Variants in EEFSEC observed in about 807,000 individuals in gnomAD.
The protein encoded by EEFSEC is selenocysteine-specific elongation factor.
A neutral mutation model predicts 42.1 loss-of-function variants in EEFSEC; 43 were observed. The ratio of observed to expected loss-of-function variants is 1.02; its 90% CI spans 0.80 to 1.32. The LOEUF (loss-of-function observed/expected upper bound fraction) is 1.32. EEFSEC is among the 40% of genes most tolerant of loss of function. The pLI, the probability that EEFSEC is intolerant of heterozygous loss-of-function variation, is 0.00. For missense variants in EEFSEC, 745 were observed against 803.6 expected, an observed-to-expected ratio of 0.93 and a Z score of 0.88; for synonymous variants, 354 against 339.1, an observed-to-expected ratio of 1.04 and a Z score of -0.48.
chr3:128,191,827 G>A (rs536709461), intron 1 of EEFSEC, among the ~76,000 whole-genome samples: 4 of 152,168 alleles, frequency 2.6e-5, no homozygotes, highest in African/African-American at 4.8e-5. Flanking sequence ...CCAGCATATC[G>A]ATAGACCACA....
chr3:128,226,320 T>C (rs2065907014), intron 1 of EEFSEC, among the ~76,000 whole-genome samples: 1 of 152,196 alleles, frequency 6.6e-6, no homozygotes, highest in Admixed American at 6.5e-5. Flanking sequence ...TTTCTGTTCC[T>C]TGGGTGGGCC....
intron 2 of EEFSEC, among the ~76,000 whole-genome samples, chr3:128,250,903 TTTTTTTGG>T (rs1330201455): frequency 4.5e-5 from 4 of 88,692 alleles, no homozygotes; most frequent in Non-Finnish European, 9.7e-5. Context: ...CATCTTTAGT[TTTTTTTGG>T]TTTTTTTTTT....
At chr3:128,377,909 A>G (rs537387290) in intron 6 of EEFSEC, among the ~76,000 whole-genome samples, 4 of 152,328 alleles carry the variant, frequency 2.6e-5, no homozygotes, top group South Asian at 2.1e-4. Flanking sequence ...CTATTTTCCT[A>G]CATGGCAAAT....
intron 1 of EEFSEC, among the ~76,000 whole-genome samples, chr3:128,172,801 T>C (rs1033642177): frequency 2.0e-5 from 3 of 152,230 alleles, no homozygotes; most frequent in African/African-American, 4.8e-5. Context: ...TGCAGCAAAG[T>C]GAAATGCAAT....
intron 1 of EEFSEC, among the ~76,000 whole-genome samples, chr3:128,185,036 A>G (rs558230655): frequency 6.6e-6 from 1 of 152,312 alleles, no homozygotes; most frequent in African/African-American, 2.4e-5. Flanking sequence ...TCCTGAAAGA[A>G]GGAAAAAAAC....
intron 5 of EEFSEC, among the ~76,000 whole-genome samples, chr3:128,350,610 T>C (rs2067373289): frequency 6.6e-6 from 1 of 152,262 alleles, no homozygotes; most frequent in African/African-American, 2.4e-5. Context: ...TAGCTAAGTG[T>C]CTTGCTTGGC....
chr3:128,215,439 A>T (rs2065801780), intron 1 of EEFSEC, among the ~76,000 whole-genome samples: 1 of 152,146 alleles, frequency 6.6e-6, no homozygotes, highest in Non-Finnish European at 1.5e-5. Flanking sequence ...ACTTCATAGG[A>T]TCCTGTCTGT....
At chr3:128,338,082 G>A (rs556254208) in intron 4 of EEFSEC, among the ~76,000 whole-genome samples, 20 of 152,248 alleles carry the variant, frequency 1.3e-4, no homozygotes, top group Non-Finnish European at 2.1e-4. Flanking sequence ...GGCAGCAAAT[G>A]AGCTGCAGGT....
chr3:128,244,190 T>C (rs2066102620), intron 1 of EEFSEC, among the ~76,000 whole-genome samples: 1 of 152,202 alleles, frequency 6.6e-6, no homozygotes, highest in Non-Finnish European at 1.5e-5. Context: ...CCTGCTGGGC[T>C]TTATCTCATC....
chr3:128,251,745 G>A (rs1287357415), intron 2 of EEFSEC, among the ~76,000 whole-genome samples: 1 of 151,890 alleles, frequency 6.6e-6, no homozygotes. Context: ...GGCATTTGTT[G>A]TCTTTCCATT....
rs776696203 is a variant in EEFSEC at position 128,153,600 on chromosome 3, C to T, written c.93C>T (p.Ala31=). 8 of 1,591,266 alleles carry T rather than the reference C, an allele frequency of 5.0e-6. No homozygotes were observed. Among genetic ancestry groups the T allele is most frequent in the South Asian group, 1.1e-5 (1 of 88,990 alleles). Residue 31 remains alanine, a synonymous_variant, in exon 1 of 7, where the codon GCC becomes GCT. Transcript: ENST00000254730. ...TALARALSTT[A]STAAFDKQPQ... is the part of the protein sequence containing the mutation. Reference sequence around the variant, plus strand: ...TGGCGCGGGCGCTAAGCACCACAGCCTCCACCGCCGCCTTTGACAAGCAGC... The same window carrying T: ...TGGCGCGGGCGCTAAGCACCACAGCTTCCACCGCCGCCTTTGACAAGCAGC...
chr3:128,408,172 G>A lies in EEFSEC; in HGVS notation c.1704G>A (p.Arg568=). 2 of 1,612,936 alleles carry A rather than the reference G, an allele frequency of 1.2e-6. No homozygotes were observed. The highest frequency in any genetic ancestry group is 1.1e-5 in the South Asian group (1 of 90,956). The change falls in exon 7 of 7, where the codon CGG becomes CGA. Residue 568 remains arginine (R), a synonymous_variant. Transcript: ENST00000254730. ...CCAGGCAGGAGGAGAGCGCCGAGCG[G>A]AGCGAGCCCTCACAGCATGTGGTGC... ...EATRQEESAE[R]SEPSQHVVLS...
chr3:128,340,253 T>C (rs1006994898), intron 4 of EEFSEC, among the ~76,000 whole-genome samples: 3 of 152,160 alleles, frequency 2.0e-5, no homozygotes, highest in Non-Finnish European at 4.4e-5. Context: ...TTAGCTCAAA[T>C]TCACTTCTTC....
intron 1 of EEFSEC, among the ~76,000 whole-genome samples, chr3:128,217,150 G>C (rs1053968791): frequency 6.6e-6 from 1 of 152,150 alleles, no homozygotes; most frequent in African/African-American, 2.4e-5. Context: ...GATAGCTTTT[G>C]CTTTGTGTGT....
intron 1 of EEFSEC, among the ~76,000 whole-genome samples, chr3:128,201,985 G>GA (rs921614221): frequency 3.3e-5 from 5 of 152,114 alleles, no homozygotes; most frequent in Admixed American, 2.0e-4. Flanking sequence ...TTGCCTTTGT[G>GA]AAAAATCACA....
chr3:128,422,529 G>A, the EEFSEC span, among the ~76,000 whole-genome samples: 9 of 152,304 alleles, frequency 5.9e-5, no homozygotes, highest in Admixed American at 1.3e-4. Flanking sequence ...GCAGGGCCAC[G>A]CCTCAACACA....
At chr3:128,182,878 CGG>C (rs1262106998) in intron 1 of EEFSEC, among the ~76,000 whole-genome samples, 9 of 4,570 alleles carry the variant, frequency 2.0e-3, no homozygotes, top group South Asian at 0.022. Context: ...CCACAGAGAT[CGG>C]GGCGGGGGGG....
chr3:128,410,550 G>T (rs1466315599), downstream of EEFSEC, among the ~76,000 whole-genome samples: 7 of 152,180 alleles, frequency 4.6e-5, no homozygotes, highest in Non-Finnish European at 7.4e-5. Context: ...CGCCACCAGG[G>T]CACAGATTCA....
At chr3:128,349,702 A>G (rs1188182302) in intron 5 of EEFSEC, among the ~76,000 whole-genome samples, 1 of 152,282 alleles carries the variant, frequency 6.6e-6, no homozygotes, top group East Asian at 1.9e-4. Context: ...CTGCAAAACA[A>G]AGGGGGTCCT....
Sources: gnomAD v4.1 joint callset for allele counts (sites outside exome capture counted in the v4.1 genomes callset) on GRCh38, gnomAD v4.1.1 for gene constraint, MANE v1.5 for transcripts, NCBI Gene and HGNC (gene_info 2026-07-23, HGNC 2026-07-21) for gene names.